The following CDH20 variants were observed in gnomAD, a reference collection of about 807,000 sequenced individuals.
The protein encoded by CDH20 is cadherin-20.
In CDH20, 29 loss-of-function variants were observed where a neutral mutation model predicts 74.2. The ratio of observed to expected loss-of-function variants is 0.39; its 90% confidence interval spans 0.29 to 0.53. The LOEUF is 0.53. Ranked by LOEUF, CDH20 falls within the 20% of genes least tolerant of loss-of-function variation. The pLI is 0.69. For missense variants in CDH20, 988 were observed against 1,048.3 expected (o/e 0.94, Z 0.79); for synonymous variants, 469 against 405.4 (o/e 1.16, Z -1.88).
intron 6 of CDH20, among the ~76,000 whole-genome samples, chr18:61,520,932 A>G (rs1034280576): frequency 6.6e-6 from 1 of 151,306 alleles, no homozygotes; most frequent in Non-Finnish European, 1.5e-5. Flanking sequence ...CAGTGTTTAC[A>G]GGGAAATTTA....
intron 1 of CDH20, among the ~76,000 whole-genome samples, chr18:61,357,413 A>G (rs559370153): frequency 6.6e-5 from 10 of 152,266 alleles, no homozygotes; most frequent in African/African-American, 2.4e-4. Flanking sequence ...CCCCCCTCCT[A>G]TAACAAGTCT....
At chr18:61,442,617 CTCTAACTAAAA>C (rs1487556168) in intron 1 of CDH20, among the ~76,000 whole-genome samples, 1 of 152,064 alleles carries the variant, frequency 6.6e-6, no homozygotes, top group African/African-American at 2.4e-5. Flanking sequence ...ATCAAAAAGA[CTCTAACTAAAA>C]CTGCAGACTA....
chr18:61,408,916 C>T (rs1002021288), intron 1 of CDH20, among the ~76,000 whole-genome samples: 1 of 151,046 alleles, frequency 6.6e-6, no homozygotes, highest in African/African-American at 2.4e-5. Context: ...AATACTAATA[C>T]AAAAAAAAAT....
intron 1 of CDH20, among the ~76,000 whole-genome samples, chr18:61,376,180 A>G (rs954071157): frequency 6.6e-6 from 1 of 152,134 alleles, no homozygotes; most frequent in African/African-American, 2.4e-5. Flanking sequence ...CCTGATTTTC[A>G]TATCAAATGT....
chr18:61,496,387 G>C (rs992780109), intron 2 of CDH20, among the ~76,000 whole-genome samples: 1 of 149,138 alleles, frequency 6.7e-6, no homozygotes, highest in Non-Finnish European at 1.5e-5. Flanking sequence ...GCTGCTCCTA[G>C]CTCTGTTAAC....
Position 61,550,232 on chromosome 18 carries a change from G to A in CDH20, c.1900+3G>A, listed in dbSNP as rs1877721886. The A allele has an allele frequency of 6.8e-6, 11 of 1,611,406 alleles. No individual in the cohort carries two copies. Among genetic ancestry groups the A allele is most frequent in the South Asian group, 1.1e-5 (1 of 90,968 alleles). On this transcript the variant is annotated splice_donor_region_variant and intron_variant, in intron 11 of 11. Coordinates refer to ENST00000262717, the MANE Select transcript of CDH20 (RefSeq NM_031891.4). Reference sequence around the variant, plus strand: ...CGCCTGCATCTTTGTCCTCTTAGGTGAGTAAGGGGCTGCTTTCCCTTCTGT... The same window carrying A: ...CGCCTGCATCTTTGTCCTCTTAGGTAAGTAAGGGGCTGCTTTCCCTTCTGT...
At chr18:61,545,765 A>C (rs1381953306) in intron 10 of CDH20, among the ~76,000 whole-genome samples, 1 of 152,244 alleles carries the variant, frequency 6.6e-6, no homozygotes, top group African/African-American at 2.4e-5. Flanking sequence ...ACAAAGAGCA[A>C]ATACAGGACC....
chr18:61,528,821 T>C (rs934197864), intron 7 of CDH20, among the ~76,000 whole-genome samples: 1 of 152,228 alleles, frequency 6.6e-6, no homozygotes, highest in African/African-American at 2.4e-5. Flanking sequence ...ATCTTTGACA[T>C]GTTTTACTTT....
intron 1 of CDH20, among the ~76,000 whole-genome samples, chr18:61,385,823 A>G (rs1599050573): frequency 6.6e-6 from 1 of 151,872 alleles, no homozygotes; most frequent in East Asian, 1.9e-4. Context: ...CCAGCTACTC[A>G]GGAGGCTGAG....
At chr18:61,444,859 G>A (rs1909150305) in intron 1 of CDH20, among the ~76,000 whole-genome samples, 1 of 152,008 alleles carries the variant, frequency 6.6e-6, no homozygotes, top group Non-Finnish European at 1.5e-5. Context: ...GAGTTTTGTG[G>A]CCTTTTCTAA....
chr18:61,347,474 C>A (rs1324012605), intron 1 of CDH20, among the ~76,000 whole-genome samples: 1 of 150,082 alleles, frequency 6.7e-6, no homozygotes, highest in East Asian at 2.0e-4. Flanking sequence ...GAGCCAAGAT[C>A]GTGCCACTGT....
intron 1 of CDH20, among the ~76,000 whole-genome samples, chr18:61,356,313 C>T (rs2144123900): frequency 6.6e-6 from 1 of 152,298 alleles, no homozygotes; most frequent in Admixed American, 6.5e-5. Flanking sequence ...AAGCACTATA[C>T]AGTATGACTC....
intron 9 of CDH20, among the ~76,000 whole-genome samples, chr18:61,540,107 T>C (rs1912972749): frequency 6.6e-6 from 1 of 152,164 alleles, no homozygotes; most frequent in Non-Finnish European, 1.5e-5. Flanking sequence ...TCCATTCTGC[T>C]CCTGCTTTTG....
chr18:61,426,247 T>C (rs923940109), intron 1 of CDH20, among the ~76,000 whole-genome samples: 2 of 152,082 alleles, frequency 1.3e-5, no homozygotes, highest in Non-Finnish European at 2.9e-5. Context: ...TCTAGGTTGT[T>C]GTGAGGATTA....
At chr18:61,393,522 C>T (rs1911862415) in intron 1 of CDH20, among the ~76,000 whole-genome samples, 1 of 152,100 alleles carries the variant, frequency 6.6e-6, no homozygotes, top group Non-Finnish European at 1.5e-5. Flanking sequence ...TTCAAGGTGG[C>T]TAATGGTTTT....
intron 1 of CDH20, among the ~76,000 whole-genome samples, chr18:61,391,100 G>A (rs1038429319): frequency 6.6e-6 from 1 of 152,038 alleles, no homozygotes; most frequent in East Asian, 1.9e-4. Flanking sequence ...ATATGACAAA[G>A]GGTTACAAAA....
intron 1 of CDH20, among the ~76,000 whole-genome samples, chr18:61,389,806 T>C (rs1911713749): frequency 6.6e-6 from 1 of 152,160 alleles, no homozygotes; most frequent in Non-Finnish European, 1.5e-5. Flanking sequence ...TTGCTCCTTC[T>C]ATCAAAAGCT....
intron 8 of CDH20, among the ~76,000 whole-genome samples, chr18:61,537,136 A>G (rs1052018919): frequency 1.3e-5 from 2 of 152,108 alleles, no homozygotes; most frequent in African/African-American, 4.8e-5. Flanking sequence ...TATATATTAT[A>G]AACATAATAA....
rs1246136596 is a variant in CDH20, at chr18:61,554,775, C to T, written c.*80C>T. 9 of 1,470,464 alleles carry T rather than the reference C, an allele frequency of 6.1e-6. No individual in the cohort carries two copies. The highest frequency in any genetic ancestry group is 1.4e-5 in the African/African-American group (1 of 71,654). 91.1% of individuals were successfully genotyped at this position (1,470,464 alleles called of 1,614,324 possible). Reference sequence around the variant, plus strand: ...CGCGGACAAGGTGCAGCCAACCACACGAGCAATACTGTGCTGGAGAGTGAG... The same window carrying T: ...CGCGGACAAGGTGCAGCCAACCACATGAGCAATACTGTGCTGGAGAGTGAG... On this transcript the variant is annotated 3_prime_UTR_variant, in exon 12 of 12. Coordinates refer to ENST00000262717, the MANE Select transcript of CDH20 (RefSeq NM_031891.4).
Sources: allele counts gnomAD v4.1 joint callset (sites outside exome capture counted in the v4.1 genomes callset), GRCh38; gene constraint gnomAD v4.1.1; transcripts MANE v1.5; gene names NCBI Gene and HGNC (gene_info 2026-07-23, HGNC 2026-07-21).